PDE1A: variants seen among roughly 807,000 people sequenced by gnomAD.
The protein encoded by PDE1A is dual specificity calcium/calmodulin-dependent 3',5'-cyclic nucleotide phosphodiesterase 1A.
Under a neutral mutation model 61.7 loss-of-function variants are expected in PDE1A, and 35 were observed. That is an observed-to-expected ratio of 0.57 (90% CI 0.43 to 0.75). PDE1A has a LOEUF of 0.75. PDE1A is among the 30% of genes least tolerant of loss of function. The pLI is 0.00. For synonymous variants in PDE1A, 232 were observed against 213.2 expected (o/e 1.09, Z -0.77); for missense variants, 597 against 630.6 (o/e 0.95, Z 0.57).
intron 1 of PDE1A, among the ~76,000 whole-genome samples, chr2:182,321,562 G>C (rs1283282857): frequency 6.6e-6 from 1 of 152,110 alleles, no homozygotes; most frequent in Non-Finnish European, 1.5e-5. Flanking sequence ...AAAGATGAGA[G>C]AGAGGAGCCA....
At chr2:182,143,966 C>A (rs557642787), downstream of PDE1A, among the ~76,000 whole-genome samples, 1 of 152,202 alleles carries the variant, frequency 6.6e-6, no homozygotes, top group South Asian at 2.1e-4. Context: ...GATAGGCATA[C>A]GGGCCTGTCA....
At chr2:182,435,061 C>A (rs112101867) in intron 2 of PDE1A, among the ~76,000 whole-genome samples, 22 of 151,990 alleles carry the variant, frequency 1.4e-4, no homozygotes, top group African/African-American at 5.3e-4. Context: ...TTGATTGGCT[C>A]CAATTAGCAC....
chr2:182,282,734 A>T (rs1693893982), intron 1 of PDE1A, among the ~76,000 whole-genome samples: 1 of 152,040 alleles, frequency 6.6e-6, no homozygotes, highest in East Asian at 1.9e-4. Flanking sequence ...TAAATGATTG[A>T]CCCAATATAT....
At chr2:182,661,697 TAC>T in the PDE1A span, among the ~76,000 whole-genome samples, 15 of 152,178 alleles carry the variant, frequency 9.9e-5, no homozygotes, top group Non-Finnish European at 2.1e-4. Context: ...GACAAATTAT[TAC>T]AGTTAATTGG....
At chr2:182,602,992 C>CACACACACACACACACAT in the PDE1A span, among the ~76,000 whole-genome samples, 11 of 130,492 alleles carry the variant, frequency 8.4e-5, no homozygotes, top group African/African-American at 3.1e-4. Context: ...CACACACACA[C>CACACACACACACACACAT]ACATACATAC....
At chr2:182,160,257 G>A (rs1244564695) in intron 13 of PDE1A, among the ~76,000 whole-genome samples, 1 of 152,090 alleles carries the variant, frequency 6.6e-6, no homozygotes, top group Non-Finnish European at 1.5e-5. Context: ...TTAGTGTGAT[G>A]ATTAATTTTA....
intron 2 of PDE1A, among the ~76,000 whole-genome samples, chr2:182,260,741 G>A (rs1262942213): frequency 2.6e-5 from 4 of 152,158 alleles, no homozygotes; most frequent in Admixed American, 6.5e-5. Flanking sequence ...GGAAAGAGAT[G>A]CCACACAATC....
the PDE1A span, among the ~76,000 whole-genome samples, chr2:182,688,106 A>G: frequency 4.6e-5 from 7 of 152,364 alleles, no homozygotes; most frequent in South Asian, 1.2e-3. Flanking sequence ...AACATTCTGC[A>G]GGATATTATC....
intron 1 of PDE1A, among the ~76,000 whole-genome samples, chr2:182,343,932 C>G (rs941477365): frequency 6.6e-6 from 1 of 150,772 alleles, no homozygotes; most frequent in Admixed American, 6.6e-5. Context: ...TGCAGTGGCA[C>G]AATCACAGCT....
chr2:182,192,996 CT>C (rs1388643223), intron 10 of PDE1A, among the ~76,000 whole-genome samples: 6 of 151,750 alleles, frequency 4.0e-5, no homozygotes, highest in Non-Finnish European at 7.4e-5. Flanking sequence ...TTTTGTTTTT[CT>C]TTTTTTCTTG....
intron 1 of PDE1A, among the ~76,000 whole-genome samples, chr2:182,310,825 T>A (rs779399662): frequency 9.2e-5 from 14 of 152,228 alleles, no homozygotes; most frequent in Non-Finnish European, 1.2e-4. Flanking sequence ...TCAAACTATA[T>A]CTCCCAGTGC....
rs1476889681 is a variant in PDE1A, at chr2:182,149,099, CTAGAT to C, written c.1517-1952_1517-1948del. Among the ~76,000 whole-genome samples the C allele has an allele frequency of 7.2e-5, 11 of 152,022 alleles. No homozygotes were observed. The East Asian group carries it at 9.7e-4, about 13-fold the overall frequency. ...TGATTTAATATTCTGTTACTTAAGA[CTAGAT>C]TAGAACAGAACAGAACAGTCTAGAA... On this transcript the variant is annotated intron_variant, in intron 13 of 13. Transcript: ENST00000409365.
At chr2:182,511,117 A>G (rs1351963733) in intron 2 of PDE1A, among the ~76,000 whole-genome samples, 1 of 152,140 alleles carries the variant, frequency 6.6e-6, no homozygotes, top group Non-Finnish European at 1.5e-5. Context: ...CTCAACACCG[A>G]TGAGATACGT....
At chr2:182,467,228 A>G (rs544375094) in intron 2 of PDE1A, among the ~76,000 whole-genome samples, 40 of 152,060 alleles carry the variant, frequency 2.6e-4, no homozygotes, top group African/African-American at 9.4e-4. Flanking sequence ...CCACCTCACT[A>G]CAGATTTTAT....
At chr2:182,257,794 C>CATGG (rs2125762421) in intron 2 of PDE1A, among the ~76,000 whole-genome samples, 1 of 152,282 alleles carries the variant, frequency 6.6e-6, no homozygotes, top group South Asian at 2.1e-4. Context: ...GTCTCTGTGA[C>CATGG]ATGGGCATCA....
At chr2:182,201,583 T>C (rs1686635407) in intron 9 of PDE1A, 24 bp from the exon 10 acceptor site, 1 of 1,607,606 alleles carries the variant, frequency 6.2e-7, no homozygotes. Flanking sequence ...GACATGCTTA[T>C]ATTATTCAAA....
chr2:182,297,793 A>C (rs1694985571), intron 1 of PDE1A, among the ~76,000 whole-genome samples: 1 of 152,190 alleles, frequency 6.6e-6, no homozygotes, highest in East Asian at 1.9e-4. Context: ...TGATTGGTAT[A>C]TGAATACCCT....
At chr2:182,159,350 C>G (rs1215680249) in intron 13 of PDE1A, among the ~76,000 whole-genome samples, 1 of 152,128 alleles carries the variant, frequency 6.6e-6, no homozygotes, top group African/African-American at 2.4e-5. Context: ...TCAGAACAAG[C>G]TAATTCCATT....
intron 1 of PDE1A, among the ~76,000 whole-genome samples, chr2:182,414,745 G>T (rs1301462020): frequency 6.6e-6 from 1 of 152,132 alleles, no homozygotes; most frequent in Non-Finnish European, 1.5e-5. Flanking sequence ...AAATGGATGA[G>T]TGAGCTAAAT....
Sources: allele counts gnomAD v4.1 joint callset (sites outside exome capture counted in the v4.1 genomes callset), GRCh38; gene constraint gnomAD v4.1.1; transcripts MANE v1.5; gene names NCBI Gene and HGNC (gene_info 2026-07-23, HGNC 2026-07-21).